Variants in SRRT observed in about 807,000 individuals in gnomAD.
The protein encoded by SRRT is serrate, RNA effector molecule, also known as serrate RNA effector molecule homolog.
A neutral mutation model predicts 103.2 loss-of-function variants in SRRT; 32 were observed. The observed-to-expected ratio is 0.31, with a 90% CI of 0.23 to 0.42. The LOEUF (loss-of-function observed/expected upper bound fraction) is 0.42. Among genes scored for constraint, SRRT ranks in the 10% least tolerant of loss-of-function variants. The pLI is 1.00. For synonymous variants in SRRT, 525 were observed against 449.0 expected (o/e 1.17, Z -2.14); for missense variants, 986 against 1,207.5 (o/e 0.82, Z 2.72).
At position 100,875,671 on chromosome 7, in the gene SRRT, C is replaced by G. The variant is rs559419305; in HGVS notation, c.81C>G (p.Arg27=). Residue 27 remains arginine (R), a synonymous_variant, in exon 2 of 20, where the codon CGC becomes CGG. Coordinates refer to ENST00000611405, the MANE Select transcript of SRRT (RefSeq NM_015908.6). The part of the protein sequence containing the change: ...RRERSDYDRS[R]ERDERRRGDD... ...AGCGCAGCGACTACGACCGTTCCCGCGAGAGAGATGAAAGACGTCGAGGGG... is the reference window on the plus strand; with the variant it reads ...AGCGCAGCGACTACGACCGTTCCCGGGAGAGAGATGAAAGACGTCGAGGGG... The G allele has an allele frequency of 1.2e-6, 2 of 1,614,068 alleles. No homozygotes were observed. The highest frequency in any genetic ancestry group is 1.1e-5 in the South Asian group (1 of 91,082).
chr7:100,885,712 G>T lies in SRRT; in HGVS notation c.1329G>T (p.Arg443Ser). Residue 443 changes from arginine to serine, a missense_variant, in exon 11 of 20, where the codon AGG (arginine) becomes AGT (serine). Arg to Ser is a moderately radical substitution (Grantham distance 110). Transcript: ENST00000611405. This position sits in a 1 kb window ranked among gnomAD's most constrained non-coding sequence, Gnocchi z 4.8. Reference protein sequence around the residue: ...SRAEIISLCKRYPGFMRVALS... With the variant: ...SRAEIISLCKSYPGFMRVALS... ...TCTGCTTCTTGCAGCTTTGTAAAAG[G>T]TACCCAGGCTTTATGCGGGTGGCGC... 6.2e-7 allele frequency: 1 copy of T among 1,612,408 alleles called. No individual in the cohort carries two copies. The highest frequency in any genetic ancestry group is 8.5e-7 in the Non-Finnish European group (1 of 1,179,154).
chr7:100,881,605 GCT>G, intron 3 of SRRT, 52 bp from the exon 4 acceptor site: 1 of 1,609,988 alleles, frequency 6.2e-7, no homozygotes. Flanking sequence ...CATCCTCCAT[GCT>G]CTGGGGAGGT....
At position 100,886,242 on chromosome 7, in the gene SRRT, T is replaced by C. The variant is rs1465693827; in HGVS notation, c.1459-5T>C. The C allele has an allele frequency of 6.2e-7, 1 of 1,609,180 alleles. No homozygotes were observed. The highest frequency in any genetic ancestry group is 8.5e-7 in the Non-Finnish European group (1 of 1,177,994). ...GGTAAGCTGCTGATGATGTCTGCCC[T>C]CCAGCTCCGGGAGTGTGAGCTGAGC... is the stretch of plus-strand genomic sequence containing the variant. On this transcript the variant is annotated splice_region_variant and splice_polypyrimidine_tract_variant and intron_variant, in intron 12 of 19. Coordinates refer to ENST00000611405, the MANE Select transcript of SRRT (RefSeq NM_015908.6).
rs1483421301 is a variant in SRRT, at chr7:100,885,326, A to G, written c.1273A>G (p.Met425Val). ...GCTGCATAAGACCTGCTCCCTCTTC[A>G]TGCGCAACATCGCGCCCAACATCTC... Reference protein sequence around the residue: ...RPLHKTCSLFMRNIAPNISRA... With the variant: ...RPLHKTCSLFVRNIAPNISRA... Residue 425 changes from methionine to valine, a missense_variant, in exon 10 of 20, where the codon ATG becomes GTG. Transcript: ENST00000611405. This position sits in a 1 kb window ranked among gnomAD's most constrained non-coding sequence, Gnocchi z 4.8. The G allele has an allele frequency of 1.2e-6, 2 of 1,614,168 alleles. No homozygotes were observed. Among genetic ancestry groups the G allele is most frequent in the Non-Finnish European group, 8.5e-7 (1 of 1,180,010 alleles).
intron 12 of SRRT, 86 bp downstream of exon 12, chr7:100,886,027 G>C (rs545466120): frequency 2.0e-6 from 3 of 1,501,220 alleles, no homozygotes; most frequent in East Asian, 2.3e-5. Context: ...TCATCTGATA[G>C]TTTGGTTGTT....
At chr7:100,883,929 C>A in intron 5 of SRRT, 141 bp from the exon 6 acceptor site, 1 of 898,650 alleles carries the variant, frequency 1.1e-6, no homozygotes, top group Non-Finnish European at 1.6e-6. Context: ...GCACCCCTAT[C>A]CCTTAATCTC....
intron 2 of SRRT, among the ~76,000 whole-genome samples, chr7:100,879,543 T>C (rs1323109830): frequency 6.6e-6 from 1 of 152,184 alleles, no homozygotes; most frequent in Non-Finnish European, 1.5e-5. Flanking sequence ...TGGAAAACGA[T>C]TTTTCATAAA....
chr7:100,880,182 G>A (rs1024474896), intron 2 of SRRT, among the ~76,000 whole-genome samples: 2 of 152,236 alleles, frequency 1.3e-5, no homozygotes, highest in African/African-American at 2.4e-5. Flanking sequence ...AGTAATTAGC[G>A]GTGAGGGTAG....
chr7:100,881,274 C>G lies in SRRT; in HGVS notation c.123-11C>G, dbSNP rs1405684892. On this transcript the variant is annotated splice_polypyrimidine_tract_variant and intron_variant, in intron 2 of 19. Coordinates refer to ENST00000611405, the MANE Select transcript of SRRT (RefSeq NM_015908.6). ...TGGCCTTTAATCTTTGTTACTTGTTCTTACTGCCAGAGAGTGGGACCGTGG... is the reference window on the plus strand; with the variant it reads ...TGGCCTTTAATCTTTGTTACTTGTTGTTACTGCCAGAGAGTGGGACCGTGG... 1.2e-6 allele frequency: 2 copies of G among 1,604,680 alleles called. No individual in the cohort carries two copies. Among genetic ancestry groups the G allele is most frequent in the East Asian group, 2.2e-5 (1 of 44,584 alleles).
rs768799965 is a variant in SRRT, at chr7:100,885,044, G to C, written c.1159+4G>C. On this transcript the variant is annotated splice_donor_region_variant and intron_variant, in intron 9 of 19. Coordinates refer to ENST00000611405, the MANE Select transcript of SRRT (RefSeq NM_015908.6). The surrounding 1 kb of genome is among the most constrained non-coding windows in gnomAD (Gnocchi z 4.8). ...GAGGAGGAGAAGGAGGAGGCCGGTA[G>C]GGTTTCTTTTCTGCTTTAAAGTGCG... 1 of 1,613,842 alleles carries C rather than the reference G, an allele frequency of 6.2e-7. No individual in the cohort carries two copies. Among genetic ancestry groups the C allele is most frequent in the South Asian group, 1.1e-5 (1 of 91,070 alleles).
rs1269371902 is a variant in SRRT at position 100,887,578 on chromosome 7, C to G, written c.2169+65C>G. On this transcript the variant is annotated intron_variant, in intron 16 of 19. Transcript: ENST00000611405. This position sits in a 1 kb window ranked among gnomAD's most constrained non-coding sequence, Gnocchi z 4.1. ...AGGTGGGGTTGAGACAGGAAGCCCC[C>G]TGGGCAGGGGTGGGGGAACTGCTTA... is the stretch of plus-strand genomic sequence containing the variant. 6.3e-6 allele frequency: 10 copies of G among 1,589,846 alleles called. No individual in the cohort carries two copies. The highest frequency in any genetic ancestry group is 8.6e-6 in the Non-Finnish European group (10 of 1,165,746).
At chr7:100,886,194 T>C in intron 12 of SRRT, 53 bp from the exon 13 acceptor site, 13 of 1,575,300 alleles carry the variant, frequency 8.3e-6, no homozygotes, top group Non-Finnish European at 1.1e-5. Flanking sequence ...AGCTGCTGTT[T>C]CTCTGGCAAG....
chr7:100,887,543 C>A lies in SRRT; in HGVS notation c.2169+30C>A, dbSNP rs117042688. 1 of 1,608,204 alleles carries A rather than the reference C, an allele frequency of 6.2e-7. No homozygotes were observed. The highest frequency in any genetic ancestry group is 8.5e-7 in the Non-Finnish European group (1 of 1,176,366). On this transcript the variant is annotated intron_variant, in intron 16 of 19. Transcript: ENST00000611405. This position sits in a 1 kb window ranked among gnomAD's most constrained non-coding sequence, Gnocchi z 4.1. Reference sequence around the variant, plus strand: ...GGGATGTTGGAGAATGGCCGTGCTACGGTGGTGGGAGGTGGGGTTGAGACA... The same window carrying A: ...GGGATGTTGGAGAATGGCCGTGCTAAGGTGGTGGGAGGTGGGGTTGAGACA...
At chr7:100,883,943 A>C (rs935575273) in intron 5 of SRRT, 127 bp from the exon 6 acceptor site, 1 of 1,067,256 alleles carries the variant, frequency 9.4e-7, no homozygotes. Flanking sequence ...TAATCTCTCT[A>C]TTTTGATGAC....
chr7:100,880,748 TTGC>T (rs745790423), intron 2 of SRRT: 1 of 421,224 alleles, frequency 2.4e-6, no homozygotes, highest in South Asian at 1.6e-5. Flanking sequence ...CAGTCGAAGC[TTGC>T]TGCAGCCGCG....
At position 100,882,422 on chromosome 7, in the gene SRRT, C is replaced by A; in HGVS notation, c.587+181C>A. ...CCTCACTTCAGCAACTGCCACGGCC[C>A]CCGCCCCGCCCTGTCTCCTGTCCTG... is the stretch of plus-strand genomic sequence containing the variant. On this transcript the variant is annotated intron_variant, in intron 5 of 19. Transcript: ENST00000611405. This position sits in a 1 kb window ranked among gnomAD's most constrained non-coding sequence, Gnocchi z 4.2. 1.6e-6 allele frequency: 1 copy of A among 624,930 alleles called. No individual in the cohort carries two copies. The highest frequency in any genetic ancestry group is 2.7e-6 in the Non-Finnish European group (1 of 370,174). The allele number at this position is 624,930 out of a possible 1,614,324, so 38.7% of individuals were successfully genotyped here. A position where few individuals can be genotyped will look rare whatever the true frequency, so the allele number is the denominator to read the frequency against.
At position 100,881,718 on chromosome 7, in the gene SRRT, G is replaced by GA; in HGVS notation, c.311_312insA (p.Gly105TrpfsTer15). On this transcript the variant is annotated frameshift_variant, in exon 4 of 20. Transcript: ENST00000611405. LOFTEE classifies it high-confidence loss of function. ...TATGAGATGCCCTATGCTGGGGGGG[G>GA]TGGGGGCCCAACTTATGGCCCCCCT... is the stretch of plus-strand genomic sequence containing the variant. The GA allele has an allele frequency of 6.2e-7, 1 of 1,613,980 alleles. No homozygotes were observed.
At chr7:100,879,116 C>T (rs377255049) in intron 2 of SRRT, among the ~76,000 whole-genome samples, 3 of 152,054 alleles carry the variant, frequency 2.0e-5, no homozygotes, top group East Asian at 1.9e-4. Flanking sequence ...CCACCACGCC[C>T]GGCTAATTTT....
rs200675508 is a variant in SRRT, at chr7:100,885,779, G to T, written c.1379+17G>T. 21 of 1,613,982 alleles carry T rather than the reference G, an allele frequency of 1.3e-5. No individual in the cohort carries two copies. The highest frequency in any genetic ancestry group is 2.7e-5 in the African/African-American group (2 of 74,922). ...AGAGAGGAGGTGAGTAACTCGGTGC[G>T]TTGGAGGGAAAAGTGCAGGGGAACG... On this transcript the variant is annotated intron_variant, in intron 11 of 19. Coordinates refer to ENST00000611405, the MANE Select transcript of SRRT (RefSeq NM_015908.6). This position sits in a 1 kb window ranked among gnomAD's most constrained non-coding sequence, Gnocchi z 4.8.
Sources: gnomAD v4.1 joint callset for allele counts (sites outside exome capture counted in the v4.1 genomes callset) on GRCh38, gnomAD v4.1.1 for gene constraint, Gnocchi (gnomAD v3.1) non-coding constraint, MANE v1.5 for transcripts, NCBI Gene and HGNC (gene_info 2026-07-23, HGNC 2026-07-21) for gene names.